The following KIF20A variants were observed in gnomAD, a reference collection of about 807,000 sequenced individuals.
KIF20A encodes kinesin family member 20A, also known as kinesin-like protein KIF20A.
In KIF20A, 66 loss-of-function variants were observed where a neutral mutation model predicts 113.0. The ratio of observed to expected loss-of-function variants is 0.58; its 90% CI spans 0.48 to 0.72. The LOEUF is 0.72. Ranked by LOEUF, KIF20A falls within the 30% of genes least tolerant of loss-of-function variation. KIF20A has a pLI of 0.00. For synonymous variants in KIF20A, 376 were observed against 402.3 expected (o/e 0.93, Z 0.78); for missense variants, 927 against 1,077.6 (o/e 0.86, Z 1.96).
chr5:138,184,498 T>C lies in KIF20A; in HGVS notation c.1519-14T>C. ...TACTTATGGAGTCAAGTAAGATATT[T>C]TTTTTCCCTCTAGCTTGTGCATGCC... On this transcript the variant is annotated splice_polypyrimidine_tract_variant and intron_variant, in intron 12 of 18. Transcript: ENST00000394894. 3 of 1,610,798 alleles carry C rather than the reference T, an allele frequency of 1.9e-6. No individual in the cohort carries two copies. In the Admixed American group the frequency reaches 5.0e-5, roughly 27 times the overall value.
Position 138,184,570 on chromosome 5 carries a change from A to C in KIF20A, c.1577A>C (p.Glu526Ala). The C allele has an allele frequency of 6.2e-7, 1 of 1,614,182 alleles. No homozygotes were observed. Among genetic ancestry groups the C allele is most frequent in the Non-Finnish European group, 8.5e-7 (1 of 1,180,018 alleles). ...GFPSLHSFIK[E>A]HSLQVSPSLE... ...CCATCCCTGCACTCGTTCATCAAGGAACATAGTCTTCAGGTATCCCCCAGC... is the reference window on the plus strand; with the variant it reads ...CCATCCCTGCACTCGTTCATCAAGGCACATAGTCTTCAGGTATCCCCCAGC... Residue 526 changes from glutamate to alanine, a missense_variant, in exon 13 of 19, where the codon GAA (glutamate) becomes GCA (alanine). Coordinates refer to ENST00000394894, the MANE Select transcript of KIF20A (RefSeq NM_005733.3).
In KIF20A at chr5:138,179,854, A is replaced by G; in HGVS notation, c.165+9A>G. 1 of 1,613,710 alleles carries G rather than the reference A, an allele frequency of 6.2e-7. No homozygotes were observed. The highest frequency in any genetic ancestry group is 2.2e-5 in the East Asian group (1 of 44,854). ...TAGAGGACAAGCAGCAGGTAAAGGA[A>G]CTGGGGAGTGGCTGGGGCGGAAAGT... On this transcript the variant is annotated intron_variant, in intron 2 of 18. Coordinates refer to ENST00000394894, the MANE Select transcript of KIF20A (RefSeq NM_005733.3).
At position 138,183,287 on chromosome 5, in the gene KIF20A, A is replaced by C. The variant is rs1455932468; in HGVS notation, c.951A>C (p.Leu317Phe). The part of the protein sequence containing the change: ...EIYNELLYDL[L>F]EPPSQQRKRQ... ...ACAACGAACTGCTTTATGACCTATT[A>C]GAACCGCCTAGCCAACAGCGCAAGA... Residue 317 changes from leucine (L) to phenylalanine (F), a missense_variant, in exon 8 of 19, where the codon TTA (leucine) becomes TTC (phenylalanine). Transcript: ENST00000394894. This position sits in a 1 kb window ranked among gnomAD's most constrained non-coding sequence, Gnocchi z 5.2. 4 of 1,614,254 alleles carry C rather than the reference A, an allele frequency of 2.5e-6. No individual in the cohort carries two copies. The Admixed American group carries it at 6.7e-5, about 27-fold the overall frequency.
Position 138,183,151 on chromosome 5 carries a change from C to A in KIF20A, c.833-18C>A. ...AACTGCTCTAGGTTGATGCCCTATA[C>A]ATTGGCTTCTTCTCCAGAAACAAGT... On this transcript the variant is annotated intron_variant, in intron 7 of 18. Transcript: ENST00000394894. The surrounding 1 kb of genome is among the most constrained non-coding windows in gnomAD (Gnocchi z 5.2). 6.2e-7 allele frequency: 1 copy of A among 1,612,886 alleles called. No homozygotes were observed. Among genetic ancestry groups the A allele is most frequent in the Non-Finnish European group, 8.5e-7 (1 of 1,179,346 alleles).
rs751756671 is a variant in KIF20A, at chr5:138,186,042, AG to A, written c.2210del (p.Gly737AlafsTer5). The A allele has an allele frequency of 1.2e-6, 2 of 1,613,746 alleles. No individual in the cohort carries two copies. Among genetic ancestry groups the A allele is most frequent in the South Asian group, 2.2e-5 (2 of 91,068 alleles). On this transcript the variant is annotated frameshift_variant, in exon 17 of 19. Transcript: ENST00000394894. LOFTEE classifies it high-confidence loss of function. ...FTIDVDKKLE[E>X]GQKNIRLLRT... ...ATTGATGTGGACAAGAAGTTAGAAG[AG>A]GGCCAGAAGGTAATTACCACCATTC...
In KIF20A at chr5:138,182,586, G is replaced by C. The variant is rs1167621013; in HGVS notation, c.515G>C (p.Gly172Ala). The change falls in exon 6 of 19, where the codon GGT becomes GCT. Residue 172 changes from glycine (G) to alanine (A), a missense_variant and splice_region_variant. Transcript: ENST00000394894. ...TNSGKTHTIQGTIKDGGILPR... is the reference protein window; with the variant it reads ...TNSGKTHTIQATIKDGGILPR... ...CTGTCCATCTTTCATATGCCTCCAGGTACCATCAAGGATGGAGGGATTCTC... is the reference window on the plus strand; with the variant it reads ...CTGTCCATCTTTCATATGCCTCCAGCTACCATCAAGGATGGAGGGATTCTC... 6.2e-7 allele frequency: 1 copy of C among 1,614,122 alleles called. No homozygotes were observed. Among genetic ancestry groups the C allele is most frequent in the South Asian group, 1.1e-5 (1 of 91,076 alleles).
At position 138,183,423 on chromosome 5, in the gene KIF20A, A is replaced by T; in HGVS notation, c.1028-47A>T. The T allele has an allele frequency of 1.2e-6, 2 of 1,611,930 alleles. No homozygotes were observed. The highest frequency in any genetic ancestry group is 1.7e-6 in the Non-Finnish European group (2 of 1,178,052). On this transcript the variant is annotated intron_variant, in intron 8 of 18. Coordinates refer to ENST00000394894, the MANE Select transcript of KIF20A (RefSeq NM_005733.3). The surrounding 1 kb of genome is among the most constrained non-coding windows in gnomAD (Gnocchi z 5.2). ...GGAGGGCAACTGGGGAGAGACTGGC[A>T]AAAGAGTTGGATGTTCCCATCTTAC...
chr5:138,179,510 C>T, intron 1 of KIF20A, 150 bp from the exon 2 acceptor site: 1 of 622,664 alleles, frequency 1.6e-6, no homozygotes, highest in Non-Finnish European at 2.8e-6. Flanking sequence ...GAACTTCTCT[C>T]ATTCCCTTCC....
At chr5:138,184,179 T>C (rs1754706227) in intron 11 of KIF20A, 60 bp from the exon 12 acceptor site, 1 of 1,610,570 alleles carries the variant, frequency 6.2e-7, no homozygotes, top group African/African-American at 1.3e-5. Flanking sequence ...GGGATGGTGC[T>C]AGGATACCCA....
intron 3 of KIF20A, 25 bp downstream of exon 3, chr5:138,181,536 C>T (rs1272929779): frequency 1.2e-6 from 2 of 1,613,764 alleles, no homozygotes; most frequent in Admixed American, 1.7e-5. Flanking sequence ...AGGGAGGATT[C>T]AAGGTGAAAT....
At chr5:138,179,609 C>T in intron 1 of KIF20A, 51 bp from the exon 2 acceptor site, 1 of 1,560,018 alleles carries the variant, frequency 6.4e-7, no homozygotes. Flanking sequence ...TTCGCGGCCC[C>T]TTCTGTCCCT....
chr5:138,184,581 C>T lies in KIF20A; in HGVS notation c.1588C>T (p.Gln530Ter), dbSNP rs1754714307. 1 of 1,614,054 alleles carries T rather than the reference C, an allele frequency of 6.2e-7. No homozygotes were observed. The highest frequency in any genetic ancestry group is 1.7e-5 in the Admixed American group (1 of 60,000). ...CTCGTTCATCAAGGAACATAGTCTT[C>T]AGGTATCCCCCAGCTTAGAGAAAGG... ...LHSFIKEHSL[Q>*]VSPSLEKGAK... Residue 530 changes from glutamine to a stop codon, truncating the protein, a stop_gained, in exon 13 of 19, where the codon CAG (glutamine) becomes TAG (stop). Transcript: ENST00000394894. LOFTEE classifies it high-confidence loss of function.
chr5:138,179,652 CTT>C lies in KIF20A; in HGVS notation c.-21-4_-21-3del. 4.3e-6 allele frequency: 7 copies of C among 1,612,736 alleles called. No homozygotes were observed. Among genetic ancestry groups the C allele is most frequent in the Non-Finnish European group, 5.9e-6 (7 of 1,179,810 alleles). ...CTTCTCCCTGCCCACTTTTTGGTCTCTTTTTAGACCTAGGCTGCCCCTGCCGT... is the reference window on the plus strand; with the variant it reads ...CTTCTCCCTGCCCACTTTTTGGTCTCTTTAGACCTAGGCTGCCCCTGCCGT... On this transcript the variant is annotated splice_region_variant and splice_polypyrimidine_tract_variant and intron_variant, in intron 1 of 18. Coordinates refer to ENST00000394894, the MANE Select transcript of KIF20A (RefSeq NM_005733.3).
At position 138,184,932 on chromosome 5, in the gene KIF20A, G is replaced by C; in HGVS notation, c.1809G>C (p.Arg603=). The change falls in exon 14 of 19, where the codon CGG becomes CGC. Residue 603 remains arginine, a synonymous_variant. Coordinates refer to ENST00000394894, the MANE Select transcript of KIF20A (RefSeq NM_005733.3). ...CNEMVEQMQQ[R]EQWCSEHLDT... ...AGATGGTAGAACAGATGCAACAGCG[G>C]GAACAGTGGTGCAGGTACTAGCTGA... is the stretch of plus-strand genomic sequence containing the variant. 1 of 1,614,118 alleles carries C rather than the reference G, an allele frequency of 6.2e-7. No homozygotes were observed. Among genetic ancestry groups the C allele is most frequent in the Non-Finnish European group, 8.5e-7 (1 of 1,179,990 alleles).
At position 138,181,422 on chromosome 5, in the gene KIF20A, G is replaced by A. The variant is rs763706536; in HGVS notation, c.166G>A (p.Val56Ile). 3 of 1,613,500 alleles carry A rather than the reference G, an allele frequency of 1.9e-6. No individual in the cohort carries two copies. Among genetic ancestry groups the A allele is most frequent in the Non-Finnish European group, 2.5e-6 (3 of 1,179,496 alleles). Residue 56 changes from valine (V) to isoleucine (I), a missense_variant and splice_region_variant, in exon 3 of 19, where the codon GTT (valine) becomes ATT (isoleucine). Transcript: ENST00000394894. ...GTTCTGGGCTGGGATTCTGCCACAGGTTCCATCTGAGGACAGTATGGAGAA... is the reference window on the plus strand; with the variant it reads ...GTTCTGGGCTGGGATTCTGCCACAGATTCCATCTGAGGACAGTATGGAGAA... Reference protein sequence around the residue: ...VSTSLEDKQQVPSEDSMEKVK... With the variant: ...VSTSLEDKQQIPSEDSMEKVK...
In KIF20A at chr5:138,183,117, AG is replaced by A. The variant is rs540561247; in HGVS notation, c.833-51del. The A allele has an allele frequency of 5.8e-4, 932 of 1,604,422 alleles. 24 individuals carry two copies. In the South Asian group the frequency reaches 9.8e-3, roughly 17 times the overall value. The stretch of plus-strand genomic sequence containing the variant: ...CCTTCCAAGGCCCCTGCAGGCCAAA[AG>A]AGAGGTGAACTGCTCTAGGTTGATG... On this transcript the variant is annotated intron_variant, in intron 7 of 18. Transcript: ENST00000394894. The surrounding 1 kb of genome is among the most constrained non-coding windows in gnomAD (Gnocchi z 5.2).
chr5:138,186,046 C>A lies in KIF20A; in HGVS notation c.2211C>A (p.Gly737=). ...TIDVDKKLEE[G]QKNIRLLRTE... ...ATGTGGACAAGAAGTTAGAAGAGGG[C>A]CAGAAGGTAATTACCACCATTCTCT... Residue 737 remains glycine (G), a synonymous_variant, in exon 17 of 19, where the codon GGC becomes GGA. Coordinates refer to ENST00000394894, the MANE Select transcript of KIF20A (RefSeq NM_005733.3). 6.2e-7 allele frequency: 1 copy of A among 1,613,292 alleles called. No homozygotes were observed.
chr5:138,183,757 G>GT lies in KIF20A; in HGVS notation c.1208+2dup, dbSNP rs777236976. ...GAGATATAGTCCCCAAGATCAGCGA[G>GT]TAAGTTTATCCATTTAGAAATTTGG... On this transcript the variant is annotated splice_donor_variant, in intron 10 of 18. Transcript: ENST00000394894. LOFTEE classifies it high-confidence loss of function. This position sits in a 1 kb window ranked among gnomAD's most constrained non-coding sequence, Gnocchi z 5.2. 1.2e-6 allele frequency: 2 copies of GT among 1,612,712 alleles called. No homozygotes were observed. The highest frequency in any genetic ancestry group is 1.7e-6 in the Non-Finnish European group (2 of 1,178,804).
intron 4 of KIF20A, 89 bp downstream of exon 4, chr5:138,181,817 G>C: frequency 6.6e-7 from 1 of 1,505,840 alleles, no homozygotes; most frequent in Non-Finnish European, 9.1e-7. Flanking sequence ...CTTCCTGACT[G>C]TGAGTTCCTT....
Sources: gnomAD v4.1 joint callset for allele counts on GRCh38, gnomAD v4.1.1 for gene constraint, Gnocchi (gnomAD v3.1) non-coding constraint, MANE v1.5 for transcripts, NCBI Gene and HGNC (gene_info 2026-07-23, HGNC 2026-07-21) for gene names.